Variants in OCIAD2 observed in about 807,000 individuals in gnomAD.
OCIAD2 encodes the protein OCIA domain containing 2.
Under a neutral mutation model 22.9 loss-of-function variants are expected in OCIAD2, and 29 were observed. The ratio of observed to expected loss-of-function variants is 1.27; its 90% CI spans 0.94 to 1.73. The LOEUF is 1.73. Ranked by LOEUF, OCIAD2 falls within the 40% of genes most tolerant of loss-of-function variation. The probability of loss-of-function intolerance (pLI) is 0.00; values close to 1 mark genes in which losing one functional copy is unlikely to be tolerated. For missense variants in OCIAD2, 189 were observed against 180.3 expected (o/e 1.05, Z -0.28); for synonymous variants, 67 against 60.2 (o/e 1.11, Z -0.52).
In OCIAD2 at chr4:48,892,755, C is replaced by T; in HGVS notation, c.383+17G>A. 2 of 1,260,714 alleles carry T rather than the reference C, an allele frequency of 1.6e-6. No homozygotes were observed. The highest frequency in any genetic ancestry group is 1.3e-5 in the South Asian group (1 of 74,474). 78.1% of individuals were successfully genotyped at this position (1,260,714 alleles called of 1,614,324 possible). On this transcript the variant is annotated intron_variant, in intron 6 of 6. Transcript: ENST00000508632. ...TTATAATTACATTACAATCCCTCAA[C>T]CAAACAGATTACAAACCTGTTATGC... is the stretch of plus-strand genomic sequence containing the variant.
chr4:48,890,502 T>C (rs549224476), intron 6 of OCIAD2, among the ~76,000 whole-genome samples: 2 of 152,302 alleles, frequency 1.3e-5, no homozygotes, highest in South Asian at 2.1e-4. Context: ...TGGACACATA[T>C]GTGCACATAT....
At chr4:48,889,620 G>A (rs1781106250) in intron 6 of OCIAD2, among the ~76,000 whole-genome samples, 1 of 152,232 alleles carries the variant, frequency 6.6e-6, no homozygotes, top group Non-Finnish European at 1.5e-5. Flanking sequence ...GTGCTGGAGA[G>A]GATGTGGAGA....
In OCIAD2 at chr4:48,885,537, T is replaced by C. The variant is rs767104763; in HGVS notation, c.412A>G (p.Lys138Glu). ...RHCLLTCEEC[K>E]IKHGLSEKGD... is the part of the protein sequence containing the mutation. The stretch of plus-strand genomic sequence containing the variant: ...TTCTCACTTAATCCATGCTTTATTT[T>C]GCATTCCTCACAGGTAAGGAGGCAG... The change falls in exon 7 of 7, where the codon AAA (lysine) becomes GAA (glutamate). Residue 138 changes from lysine to glutamate, a missense_variant. Coordinates refer to ENST00000508632, the MANE Select transcript of OCIAD2 (RefSeq NM_001014446.3). 2 of 1,610,864 alleles carry C rather than the reference T, an allele frequency of 1.2e-6. No individual in the cohort carries two copies. Among genetic ancestry groups the C allele is most frequent in the East Asian group, 4.5e-5 (2 of 44,866 alleles).
At chr4:48,888,994 A>G (rs1039700906) in intron 6 of OCIAD2, among the ~76,000 whole-genome samples, 4 of 152,084 alleles carry the variant, frequency 2.6e-5, no homozygotes, top group African/African-American at 9.7e-5. Flanking sequence ...GTAAGCTATT[A>G]ATTATTGCCT....
intron 6 of OCIAD2, among the ~76,000 whole-genome samples, chr4:48,885,990 A>G (rs2109662260): frequency 6.6e-6 from 1 of 152,274 alleles, no homozygotes; most frequent in South Asian, 2.1e-4. Flanking sequence ...TTAGACATGA[A>G]GTCCTTGCCC....
chr4:48,900,897 C>T (rs910287976), intron 2 of OCIAD2, among the ~76,000 whole-genome samples: 9 of 152,018 alleles, frequency 5.9e-5, no homozygotes, highest in East Asian at 3.9e-4. Flanking sequence ...CCCAGCCTTG[C>T]GGTGTTTTTT....
intron 3 of OCIAD2, 138 bp from the exon 4 acceptor site, chr4:48,897,995 C>T: frequency 1.5e-6 from 1 of 660,104 alleles, no homozygotes; most frequent in Non-Finnish European, 2.7e-6. Flanking sequence ...TTTACTTATT[C>T]AACAAATATT....
chr4:48,904,532 A>G lies in OCIAD2; in HGVS notation c.18T>C (p.Ala6=). The G allele has an allele frequency of 5.0e-6, 8 of 1,614,176 alleles. No homozygotes were observed. The highest frequency in any genetic ancestry group is 6.8e-6 in the Non-Finnish European group (8 of 1,180,020). Reference sequence around the variant, plus strand: ...GGGCATCTTTATCTTGGTTTCCACGAGCAGACGCTGAAGCCATGATGACTT... The same window carrying G: ...GGGCATCTTTATCTTGGTTTCCACGGGCAGACGCTGAAGCCATGATGACTT... MASAS[A]RGNQDKDAHF... is the part of the protein sequence containing the mutation. Residue 6 remains alanine, a synonymous_variant, in exon 2 of 7, where the codon GCT becomes GCC. Transcript: ENST00000508632.
chr4:48,887,162 T>A (rs1192028335), intron 6 of OCIAD2, among the ~76,000 whole-genome samples: 7 of 152,230 alleles, frequency 4.6e-5, no homozygotes, highest in Non-Finnish European at 1.0e-4. Flanking sequence ...TCTGTTCATA[T>A]CCTTTGCCCA....
intron 4 of OCIAD2, among the ~76,000 whole-genome samples, chr4:48,894,862 A>C (rs887336728): frequency 6.6e-6 from 1 of 152,192 alleles, no homozygotes; most frequent in Admixed American, 6.5e-5. Context: ...AGATACCCAC[A>C]TCCGAATTCC....
At chr4:48,903,255 A>C (rs991179235) in intron 2 of OCIAD2, among the ~76,000 whole-genome samples, 2 of 152,216 alleles carry the variant, frequency 1.3e-5, no homozygotes, top group Non-Finnish European at 2.9e-5. Flanking sequence ...TTGGGTTCTC[A>C]ATCTGCTAGC....
chr4:48,892,771 C>T lies in OCIAD2; in HGVS notation c.383+1G>A, dbSNP rs759854117. 6.7e-7 allele frequency: 1 copy of T among 1,484,798 alleles called. No individual in the cohort carries two copies. The highest frequency in any genetic ancestry group is 2.3e-5 in the East Asian group (1 of 44,158). The allele number at this position is 1,484,798 out of a possible 1,614,324, so 92.0% of individuals were successfully genotyped here. On this transcript the variant is annotated splice_donor_variant, in intron 6 of 6. Coordinates refer to ENST00000508632, the MANE Select transcript of OCIAD2 (RefSeq NM_001014446.3). LOFTEE classifies it high-confidence loss of function. ...ATCCCTCAACCAAACAGATTACAAA[C>T]CTGTTATGCTGTGGACCAAAACCAG...
intron 6 of OCIAD2, among the ~76,000 whole-genome samples, chr4:48,889,007 A>T (rs1026143349): frequency 6.6e-6 from 1 of 152,140 alleles, no homozygotes; most frequent in Non-Finnish European, 1.5e-5. Flanking sequence ...TATTGCCTCA[A>T]TTTCAGAGCC....
chr4:48,900,638 G>GT lies in OCIAD2; in HGVS notation c.67-714dup, dbSNP rs5858133. ...GTGGGTACATAGTAGGTTCTGCAGT[G>GT]TTTTTTTTTTTTTTGATAAGGTCTC... On this transcript the variant is annotated intron_variant, in intron 2 of 6. Transcript: ENST00000508632. Among the ~76,000 whole-genome samples the GT allele has an allele frequency of 2.5e-3, 307 of 124,712 alleles. 1 individual carries two copies. Among genetic ancestry groups the GT allele is most frequent in the African/African-American group, 8.0e-3 (275 of 34,482 alleles). 81.8% of individuals were successfully genotyped at this position (124,712 alleles called of 152,430 possible).
chr4:48,899,920 C>T lies in OCIAD2; in HGVS notation c.72G>A (p.Leu24=). The change falls in exon 3 of 7, where the codon CTG becomes CTA. Residue 24 remains leucine, a synonymous_variant. Coordinates refer to ENST00000508632, the MANE Select transcript of OCIAD2 (RefSeq NM_001014446.3). The part of the protein sequence containing the change: ...AHFPPPSKQS[L]LFCPKSKLHI... ...GCAGTTTTGATTTTGGACAAAACAACAGGCTCTGTAAGGAAAGTTATATGG... is the reference window on the plus strand; with the variant it reads ...GCAGTTTTGATTTTGGACAAAACAATAGGCTCTGTAAGGAAAGTTATATGG... The T allele has an allele frequency of 6.2e-7, 1 of 1,612,580 alleles. No individual in the cohort carries two copies. Among genetic ancestry groups the T allele is most frequent in the East Asian group, 2.2e-5 (1 of 44,872 alleles).
At chr4:48,893,488 C>T (rs1247648740) in intron 5 of OCIAD2, 2 of 152,186 alleles carry the variant, frequency 1.3e-5, no homozygotes, top group Non-Finnish European at 2.9e-5. Flanking sequence ...ATTAGAAATC[C>T]CCTGATTCTT....
In OCIAD2 at chr4:48,885,556, G is replaced by A. The variant is rs1490613025; in HGVS notation, c.393C>T (p.Leu131=). 3.7e-6 allele frequency: 6 copies of A among 1,603,476 alleles called. No homozygotes were observed. The African/African-American group carries it at 6.7e-5, about 18-fold the overall frequency. ...GFGPQHNRHC[L]LTCEECKIKH... ...TTATTTTGCATTCCTCACAGGTAAG[G>A]AGGCAGTGCCTAGAAGAGAAGCAAA... The change falls in exon 7 of 7, where the codon CTC becomes CTT. Residue 131 remains leucine (L), a synonymous_variant. Coordinates refer to ENST00000508632, the MANE Select transcript of OCIAD2 (RefSeq NM_001014446.3).
chr4:48,891,113 C>G (rs1385466190), intron 6 of OCIAD2, among the ~76,000 whole-genome samples: 1 of 152,136 alleles, frequency 6.6e-6, no homozygotes, highest in Non-Finnish European at 1.5e-5. Flanking sequence ...CCAGAATCCC[C>G]TTCTTCAACC....
At chr4:48,892,376 C>T (rs1452872757) in intron 6 of OCIAD2, among the ~76,000 whole-genome samples, 2 of 152,156 alleles carry the variant, frequency 1.3e-5, no homozygotes, top group Admixed American at 6.5e-5. Flanking sequence ...ACTCCAAAGT[C>T]GTACTGCCTA....
Sources: gnomAD v4.1 joint callset for allele counts (sites outside exome capture counted in the v4.1 genomes callset) on GRCh38, gnomAD v4.1.1 for gene constraint, MANE v1.5 for transcripts, NCBI Gene and HGNC (gene_info 2026-07-23, HGNC 2026-07-21) for gene names.